Variants in PIEZO2 observed in about 807,000 individuals in gnomAD.
The protein encoded by PIEZO2 is piezo type mechanosensitive ion channel component 2, also known as piezo-type mechanosensitive ion channel component 2.
In PIEZO2, 172 loss-of-function variants were observed where a neutral mutation model predicts 337.3. The ratio of observed to expected loss-of-function variants is 0.51; its 90% CI spans 0.45 to 0.58. The LOEUF is 0.58. PIEZO2 is among the 20% of genes least tolerant of loss of function. The pLI is 0.00. For synonymous variants in PIEZO2, 1,251 were observed against 1,228.5 expected (o/e 1.02, Z -0.38); for missense variants, 3,028 against 3,391.3 (o/e 0.89, Z 2.66).
intron 16 of PIEZO2, among the ~76,000 whole-genome samples, chr18:10,786,295 C>G (rs2088389748): frequency 6.6e-6 from 1 of 152,194 alleles, no homozygotes; most frequent in African/African-American, 2.4e-5. Flanking sequence ...ATCTACAGGG[C>G]TTAGATTTTG....
At chr18:10,896,805 C>T (rs1203735669) in intron 4 of PIEZO2, among the ~76,000 whole-genome samples, 1 of 152,218 alleles carries the variant, frequency 6.6e-6, no homozygotes, top group African/African-American at 2.4e-5. Flanking sequence ...CCGGCCTCCA[C>T]CTCATGTCTG....
chr18:10,782,142 T>C (rs1036887908), intron 17 of PIEZO2, among the ~76,000 whole-genome samples: 2 of 142,174 alleles, frequency 1.4e-5, no homozygotes, highest in African/African-American at 5.2e-5. Context: ...ATATATTATA[T>C]GTAAAATGTT....
chr18:10,841,963 C>T (rs1435420242), intron 7 of PIEZO2, among the ~76,000 whole-genome samples: 1 of 152,054 alleles, frequency 6.6e-6, no homozygotes, highest in Non-Finnish European at 1.5e-5. Context: ...CAAGACCATC[C>T]TGGCCAACAT....
intron 2 of PIEZO2, among the ~76,000 whole-genome samples, chr18:11,023,073 G>A (rs755509232): frequency 2.6e-5 from 4 of 152,164 alleles, no homozygotes; most frequent in Non-Finnish European, 5.9e-5. Context: ...CCTTCGCCGT[G>A]AGTGTTACAG....
chr18:10,845,656 A>G (rs1159841183), intron 7 of PIEZO2, among the ~76,000 whole-genome samples: 4 of 152,174 alleles, frequency 2.6e-5, no homozygotes, highest in African/African-American at 9.7e-5. Context: ...CCCCATTTTC[A>G]AGACCAGGAC....
rs864309619 is a variant in PIEZO2, at chr18:10,699,132, C to T, written c.6487G>A (p.Ala2163Thr). 2.3e-5 allele frequency: 35 copies of T among 1,537,236 alleles called. 1 individual carries two copies. The Middle Eastern group carries it at 2.0e-3, about 88-fold the overall frequency. ...DEDDMTESGMAREESDDELSL... is the reference protein window; with the variant it reads ...DEDDMTESGMTREESDDELSL... ...AGCTCATCATCTGATTCCTCCCTGG[C>T]CATGCCACTTTCAGTCATGTCATCT... Residue 2163 changes from alanine (A) to threonine (T), a missense_variant, in exon 44 of 56, where the codon GCC (alanine) becomes ACC (threonine). Ala to Thr is a moderately conservative substitution (Grantham distance 58, BLOSUM62 0). Transcript: ENST00000674853.
At chr18:11,072,673 A>C (rs2038386905) in intron 1 of PIEZO2, among the ~76,000 whole-genome samples, 1 of 152,234 alleles carries the variant, frequency 6.6e-6, no homozygotes, top group South Asian at 2.1e-4. Context: ...TTACATGTGA[A>C]GAAGCAGGCC....
rs1039287608 is a variant in PIEZO2, at chr18:11,031,724, C to A, written c.160+34403G>T. 6.6e-6 allele frequency among the ~76,000 whole-genome samples: 1 copy of A among 152,078 alleles called. No homozygotes were observed. Among genetic ancestry groups the A allele is most frequent in the African/African-American group, 2.4e-5 (1 of 41,412 alleles). ...ATATAACCCTTGGTTGCTCTTGGTACGACTTACCCTTGGTTGTAAGTTGAT... is the reference window on the plus strand; with the variant it reads ...ATATAACCCTTGGTTGCTCTTGGTAAGACTTACCCTTGGTTGTAAGTTGAT... On this transcript the variant is annotated intron_variant, in intron 2 of 55. Coordinates refer to ENST00000674853, the MANE Select transcript of PIEZO2 (RefSeq NM_001378183.1). The surrounding 1 kb of genome is among the most constrained non-coding windows in gnomAD (Gnocchi z 4.7).
At chr18:10,731,081 C>CTT (rs953427228) in intron 36 of PIEZO2, among the ~76,000 whole-genome samples, 3 of 148,260 alleles carry the variant, frequency 2.0e-5, no homozygotes, top group Non-Finnish European at 4.5e-5. Context: ...TGTAGTATTT[C>CTT]TTTTTTTTTA....
At position 10,897,697 on chromosome 18, in the gene PIEZO2, A is replaced by G. The variant is rs375714456; in HGVS notation, c.329+13489T>C. Reference sequence around the variant, plus strand: ...ATCAGCAGCATGAGAACAAACTAATACATTTAAACACTTTTAAGTGCACAT... The same window carrying G: ...ATCAGCAGCATGAGAACAAACTAATGCATTTAAACACTTTTAAGTGCACAT... On this transcript the variant is annotated intron_variant, in intron 4 of 55. Transcript: ENST00000674853. 5.1e-4 allele frequency among the ~76,000 whole-genome samples: 78 copies of G among 152,326 alleles called. 1 individual carries two copies. Among genetic ancestry groups the G allele is most frequent in the African/African-American group, 1.9e-3 (77 of 41,568 alleles).
intron 5 of PIEZO2, among the ~76,000 whole-genome samples, chr18:10,866,219 G>C (rs2042001392): frequency 2.0e-5 from 3 of 151,226 alleles, no homozygotes; most frequent in African/African-American, 7.3e-5. Context: ...TTTATTATGA[G>C]TTGTATACTC....
chr18:11,066,412 C>G (rs192786964), intron 1 of PIEZO2, among the ~76,000 whole-genome samples, 190 bp from the exon 2 acceptor site: 3 of 152,086 alleles, frequency 2.0e-5, no homozygotes, highest in African/African-American at 7.2e-5. Context: ...TTGAGCATGA[C>G]GAGAAGCAGA....
intron 49 of PIEZO2, among the ~76,000 whole-genome samples, chr18:10,683,085 T>A (rs1273701695): frequency 6.6e-6 from 1 of 152,218 alleles, no homozygotes; most frequent in African/African-American, 2.4e-5. Flanking sequence ...ATGACCTCCA[T>A]CCTTTCAGGG....
rs377144170 is a variant in PIEZO2 at position 10,941,117 on chromosome 18, C to T, written c.287-29889G>A. On this transcript the variant is annotated intron_variant, in intron 3 of 55. Transcript: ENST00000674853. Reference sequence around the variant, plus strand: ...GGACTTCCATTTTTGTCAGTATGGCCAACTAGACACCCTAAACAATTATCC... The same window carrying T: ...GGACTTCCATTTTTGTCAGTATGGCTAACTAGACACCCTAAACAATTATCC... Among the ~76,000 whole-genome samples, 14 of 151,934 alleles carry T rather than the reference C, an allele frequency of 9.2e-5. No homozygotes were observed. The South Asian group carries it at 2.1e-3, about 23-fold the overall frequency.
intron 2 of PIEZO2, among the ~76,000 whole-genome samples, chr18:11,023,377 C>T (rs1598843324): frequency 6.6e-6 from 1 of 152,306 alleles, no homozygotes; most frequent in East Asian, 1.9e-4. Flanking sequence ...AGAGGGTCCA[C>T]ACAAAGGTTC....
At chr18:10,947,648 G>T (rs1568228586) in intron 3 of PIEZO2, among the ~76,000 whole-genome samples, 1 of 151,354 alleles carries the variant, frequency 6.6e-6, no homozygotes, top group Non-Finnish European at 1.5e-5. Context: ...GAAACTGTGG[G>T]GGTACAAAAG....
intron 12 of PIEZO2, among the ~76,000 whole-genome samples, chr18:10,796,343 C>T (rs2039597858): frequency 6.7e-6 from 1 of 149,126 alleles, no homozygotes; most frequent in African/African-American, 2.5e-5. Flanking sequence ...TCACTCCAGC[C>T]TGGGCAACAG....
rs767369117 is a variant in PIEZO2 at position 10,676,033 on chromosome 18, C to T, written c.8082-745G>A. Among the ~76,000 whole-genome samples the T allele has an allele frequency of 1.1e-4, 16 of 152,170 alleles. No individual in the cohort carries two copies. The highest frequency in any genetic ancestry group is 1.4e-4 in the African/African-American group (6 of 41,514). On this transcript the variant is annotated intron_variant, in intron 53 of 55. Coordinates refer to ENST00000674853, the MANE Select transcript of PIEZO2 (RefSeq NM_001378183.1). The surrounding 1 kb of genome is among the most constrained non-coding windows in gnomAD (Gnocchi z 5.1). Reference sequence around the variant, plus strand: ...CCAGTCTCAGGTATGTGTTTATTAGCGGTATGAGAATGGACTAATACACAA... The same window carrying T: ...CCAGTCTCAGGTATGTGTTTATTAGTGGTATGAGAATGGACTAATACACAA...
Position 11,069,511 on chromosome 18 carries a change from T to C in PIEZO2, c.65-3289A>G, listed in dbSNP as rs1598911578. ...GTAAAAATTCTCAACAAATTACATATAGAAGAAATGGACTTCAACACAATA... is the reference window on the plus strand; with the variant it reads ...GTAAAAATTCTCAACAAATTACATACAGAAGAAATGGACTTCAACACAATA... On this transcript the variant is annotated intron_variant, in intron 1 of 55. Coordinates refer to ENST00000674853, the MANE Select transcript of PIEZO2 (RefSeq NM_001378183.1). This position sits in a 1 kb window ranked among gnomAD's most constrained non-coding sequence, Gnocchi z 4.9. Among the ~76,000 whole-genome samples, 1 of 152,102 alleles carries C rather than the reference T, an allele frequency of 6.6e-6. No individual in the cohort carries two copies. The highest frequency in any genetic ancestry group is 2.4e-5 in the African/African-American group (1 of 41,418).
Sources: gnomAD v4.1 joint callset for allele counts (sites outside exome capture counted in the v4.1 genomes callset) on GRCh38, gnomAD v4.1.1 for gene constraint, Gnocchi (gnomAD v3.1) non-coding constraint, MANE v1.5 for transcripts, NCBI Gene and HGNC (gene_info 2026-07-23, HGNC 2026-07-21) for gene names.